TEP1: variants seen among roughly 807,000 people sequenced by gnomAD.
TEP1 encodes telomerase associated protein 1.
TEP1 carries 241 observed loss-of-function variants against 306.3 expected under a neutral mutation model. The ratio of observed to expected loss-of-function variants is 0.79; its 90% CI spans 0.71 to 0.88. The LOEUF (loss-of-function observed/expected upper bound fraction) is 0.88. Ranked by LOEUF, TEP1 falls within the 40% of genes least tolerant of loss-of-function variation. The probability of loss-of-function intolerance (pLI) is 0.00; values close to 1 mark genes in which losing one functional copy is unlikely to be tolerated. For missense variants in TEP1, 3,051 were observed against 3,276.1 expected, an observed-to-expected ratio of 0.93 and a Z score of 1.68; for synonymous variants, 1,289 against 1,305.5, an observed-to-expected ratio of 0.99 and a Z score of 0.27.
rs1046295874 is a variant in TEP1 at position 20,412,245 on chromosome 14, G to T, written c.-25+1160C>A. On this transcript the variant is annotated intron_variant, in intron 1 of 54. Transcript: ENST00000262715. ...TATATAAGCCCCCAAGGAAAGGAGT[G>T]GGGAAACTCAGAATTGACTCAGATT... 3.9e-5 allele frequency among the ~76,000 whole-genome samples: 6 copies of T among 152,084 alleles called. No homozygotes were observed. In the South Asian group the frequency reaches 1.2e-3, roughly 32 times the overall value.
rs911559892 is a variant in TEP1, at chr14:20,385,092, T to C, written c.3000A>G (p.Ser1000=). ...CCTCCATCTCTGTCACAGAGCGCCC[T>C]GAAGGGTACTGCTGGGCCTGCGGGG... is the stretch of plus-strand genomic sequence containing the variant. ...PHFHWAQQYP[S]GRSVTEMEVM... is the part of the protein sequence containing the mutation. Residue 1000 remains serine (S), a synonymous_variant, in exon 21 of 55, where the codon TCA becomes TCG. Transcript: ENST00000262715. The C allele has an allele frequency of 3.7e-6, 6 of 1,613,996 alleles. No homozygotes were observed. Among genetic ancestry groups the C allele is most frequent in the Admixed American group, 1.7e-5 (1 of 60,010 alleles).
chr14:20,373,862 A>G, intron 44 of TEP1, 52 bp from the exon 45 acceptor site: 2 of 1,585,986 alleles, frequency 1.3e-6, no homozygotes, highest in Non-Finnish European at 1.7e-6. Context: ...AGGACATGGG[A>G]AACAGAACTT....
chr14:20,384,579 T>A (rs1038830198), intron 22 of TEP1, 21 bp downstream of exon 22: 25 of 1,613,490 alleles, frequency 1.5e-5, no homozygotes, highest in Non-Finnish European at 2.1e-5. Context: ...GTACAGGTGC[T>A]CCCTACCTCC....
rs377660135 is a variant in TEP1, at chr14:20,384,711, G to A, written c.3110C>T (p.Ser1037Phe). The change falls in exon 22 of 55, where the codon TCT becomes TTT. Residue 1037 changes from serine to phenylalanine, a missense_variant and splice_region_variant. Physicochemically the swap from Ser to Phe is radical, Grantham distance 155 (BLOSUM62 -2). Coordinates refer to ENST00000262715, the MANE Select transcript of TEP1 (RefSeq NM_007110.5). ...GTCAGATTTCCAGGCATCTGGCACAGAGCTGACCACCAAAGACCCCAAAAG... is the reference window on the plus strand; with the variant it reads ...GTCAGATTTCCAGGCATCTGGCACAAAGCTGACCACCAAAGACCCCAAAAG... The part of the protein sequence containing the change: ...IYFRDSSFLS[S>F]VPDAWKSDFV... The A allele has an allele frequency of 6.2e-7, 1 of 1,609,846 alleles. No homozygotes were observed. Among genetic ancestry groups the A allele is most frequent in the Non-Finnish European group, 8.5e-7 (1 of 1,179,922 alleles).
At position 20,403,406 on chromosome 14, in the gene TEP1, T is replaced by A. The variant is rs148838117; in HGVS notation, c.1237A>T (p.Ile413Leu). The change falls in exon 7 of 55, where the codon ATA becomes TTA. Residue 413 changes from isoleucine (I) to leucine (L), a missense_variant. This residue lies in a region of TEP1 where 1,507 missense variants were observed against 1,550.5 expected (regional missense o/e 0.97). Transcript: ENST00000262715. ...PFSHRCFPRY[I>L]GFLREEQRKF... ...CTCTGCTCTTCTCTGAGAAACCCTA[T>A]GTACCTTGGAAAACATCTGTGAGAA... The A allele has an allele frequency of 6.2e-7, 1 of 1,614,052 alleles. No individual in the cohort carries two copies. Among genetic ancestry groups the A allele is most frequent in the African/African-American group, 1.3e-5 (1 of 74,908 alleles).
chr14:20,403,765 C>A lies in TEP1; in HGVS notation c.1152G>T (p.Lys384Asn). 6.2e-7 allele frequency: 1 copy of A among 1,614,088 alleles called. No homozygotes were observed. The highest frequency in any genetic ancestry group is 8.5e-7 in the Non-Finnish European group (1 of 1,180,032). Residue 384 changes from lysine (K) to asparagine (N), a missense_variant, in exon 6 of 55, where the codon AAG (lysine) becomes AAT (asparagine). Transcript: ENST00000262715. ...EYQLAKYNPR[K>N]HRAKRHPRRP... is the part of the protein sequence containing the mutation. ...GGCGGGGGTGTCTCTTGGCCCGGTG[C>A]TTCCGAGGGTTGTACTTAGCCAGCT... is the stretch of plus-strand genomic sequence containing the variant.
rs1263912955 is a variant in TEP1 at position 20,391,710 on chromosome 14, A to G, written c.1986T>C (p.Ala662=). 1 of 1,614,238 alleles carries G rather than the reference A, an allele frequency of 6.2e-7. No individual in the cohort carries two copies. The highest frequency in any genetic ancestry group is 1.1e-5 in the South Asian group (1 of 91,086). ...GGCTGTGCTTCACAGAGAGGTTCACAGCTGTCTCTAGGGCCTGTCGGTACC... is the reference window on the plus strand; with the variant it reads ...GGCTGTGCTTCACAGAGAGGTTCACGGCTGTCTCTAGGGCCTGTCGGTACC... ...LNRYRQALET[A]VNLSVKHSLP... Residue 662 remains alanine (A), a synonymous_variant, in exon 13 of 55, where the codon GCT becomes GCC. Transcript: ENST00000262715.
Position 20,380,297 on chromosome 14 carries a change from T to A in TEP1, c.4941A>T (p.Arg1647Ser). 6.2e-7 allele frequency: 1 copy of A among 1,614,124 alleles called. No individual in the cohort carries two copies. Among genetic ancestry groups the A allele is most frequent in the South Asian group, 1.1e-5 (1 of 91,084 alleles). Residue 1647 changes from arginine to serine, a missense_variant, in exon 34 of 55, where the codon AGA (arginine) becomes AGT (serine). Physicochemically the swap from Arg to Ser is moderately radical, Grantham distance 110 (BLOSUM62 -1). This residue lies in a region of TEP1 where 1,540 missense variants were observed against 1,705.9 expected (regional missense o/e 0.90). Transcript: ENST00000262715. ...ATCGTAGTGTGTGTTGGAGGTGCCA[T>A]CTCCGGGAGAGCAGCGAGGCTTGGT... ...LCHQASLLSR[R>S]WHLQHTLRWL...
intron 9 of TEP1, among the ~76,000 whole-genome samples, chr14:20,400,442 A>C (rs1878584493): frequency 6.6e-6 from 1 of 150,404 alleles, no homozygotes; most frequent in South Asian, 2.1e-4. Context: ...AAGAAAAGTA[A>C]TAATTTTATA....
chr14:20,391,717 T>G lies in TEP1; in HGVS notation c.1979A>C (p.Glu660Ala), dbSNP rs1476071772. The change falls in exon 13 of 55, where the codon GAG becomes GCG. Residue 660 changes from glutamate (E) to alanine (A), a missense_variant. Glu to Ala is a moderately radical substitution (Grantham distance 107, BLOSUM62 -1). Transcript: ENST00000262715. ...EMLNRYRQAL[E>A]TAVNLSVKHS... ...CTTCACAGAGAGGTTCACAGCTGTC[T>G]CTAGGGCCTGTCGGTACCTGTTCAG... The G allele has an allele frequency of 1.5e-5, 24 of 1,614,078 alleles. No individual in the cohort carries two copies. Among genetic ancestry groups the G allele is most frequent in the Middle Eastern group, 1.6e-4 (1 of 6,082 alleles).
chr14:20,386,631 T>G lies in TEP1; in HGVS notation c.2685-8A>C. On this transcript the variant is annotated splice_polypyrimidine_tract_variant and splice_region_variant and intron_variant, in intron 18 of 54. Coordinates refer to ENST00000262715, the MANE Select transcript of TEP1 (RefSeq NM_007110.5). ...AGCCGGATGCTGCGCCATCTGGGGA[T>G]AAGCAGAGAGCTGGGCTCAGTCTAG... is the stretch of plus-strand genomic sequence containing the variant. 6.3e-7 allele frequency: 1 copy of G among 1,587,006 alleles called. No homozygotes were observed. Among genetic ancestry groups the G allele is most frequent in the South Asian group, 1.1e-5 (1 of 87,532 alleles).
chr14:20,378,934 A>C (rs779673398), intron 36 of TEP1, 47 bp downstream of exon 36: 2 of 1,613,856 alleles, frequency 1.2e-6, no homozygotes, highest in Admixed American at 1.7e-5. Context: ...GGCTTCCAAA[A>C]AATGGGGAAG....
In TEP1 at chr14:20,368,840, C is replaced by T. The variant is rs755124344; in HGVS notation, c.7719G>A (p.Lys2573=). 1.9e-6 allele frequency: 3 copies of T among 1,613,648 alleles called. No homozygotes were observed. The highest frequency in any genetic ancestry group is 2.7e-5 in the African/African-American group (2 of 74,768). ...TCTCCCATAGCTTAACATCTCTGTCCTTCGAAGCTGTCACCAGCAACTCAG... is the reference window on the plus strand; with the variant it reads ...TCTCCCATAGCTTAACATCTCTGTCTTTCGAAGCTGTCACCAGCAACTCAG... ...VLPELLVTAS[K]DRDVKLWERP... is the part of the protein sequence containing the mutation. Residue 2573 remains lysine, a synonymous_variant, in exon 54 of 55, where the codon AAG becomes AAA. Coordinates refer to ENST00000262715, the MANE Select transcript of TEP1 (RefSeq NM_007110.5).
In TEP1 at chr14:20,383,815, G is replaced by C. The variant is rs765136330; in HGVS notation, c.3638C>G (p.Thr1213Ser). ...GARPDQGLAL[T>S]LLRRLCTYLR... The stretch of plus-strand genomic sequence containing the variant: ...ATAGGTACAGAGGCGTCTGAGCAGA[G>C]TGAGGGCAAGACCCTGGTCAGGACG... Residue 1213 changes from threonine to serine, a missense_variant, in exon 25 of 55, where the codon ACT (threonine) becomes AGT (serine). By Grantham distance (58) the Thr-to-Ser change is moderately conservative (BLOSUM62 1). Coordinates refer to ENST00000262715, the MANE Select transcript of TEP1 (RefSeq NM_007110.5). 8 of 1,609,332 alleles carry C rather than the reference G, an allele frequency of 5.0e-6. No individual in the cohort carries two copies. Among genetic ancestry groups the C allele is most frequent in the Non-Finnish European group, 6.8e-6 (8 of 1,179,344 alleles).
chr14:20,405,575 A>G lies in TEP1; in HGVS notation c.746T>C (p.Leu249Pro), dbSNP rs1879114619. Residue 249 changes from leucine (L) to proline (P), a missense_variant, in exon 4 of 55, where the codon CTG becomes CCG. Leu to Pro is a moderately conservative substitution (Grantham distance 98, BLOSUM62 -3). Coordinates refer to ENST00000262715, the MANE Select transcript of TEP1 (RefSeq NM_007110.5). Reference protein sequence around the residue: ...HVLQEKKMALLSLLCSTLVSE... With the variant: ...HVLQEKKMALPSLLCSTLVSE... Reference sequence around the variant, plus strand: ...GACCAGAGTAGAGCACAGCAAGCTCAGTAGAGCCATCTGGGAATTGAGAAA... The same window carrying G: ...GACCAGAGTAGAGCACAGCAAGCTCGGTAGAGCCATCTGGGAATTGAGAAA... 1 of 1,613,704 alleles carries G rather than the reference A, an allele frequency of 6.2e-7. No homozygotes were observed.
rs1405521209 is a variant in TEP1, at chr14:20,373,769, T to C, written c.6513A>G (p.Lys2171=). 1 of 1,613,998 alleles carries C rather than the reference T, an allele frequency of 6.2e-7. No individual in the cohort carries two copies. The highest frequency in any genetic ancestry group is 8.5e-7 in the Non-Finnish European group (1 of 1,180,034). ...VVSVSRDGTL[K]VWDHQGVELT... ...GCTCCACGCCTTGATGGTCCCACAC[T>C]TTCAAGGTCCCATCCCGGCTCACAG... Residue 2171 remains lysine, a synonymous_variant, in exon 45 of 55, where the codon AAA becomes AAG. Transcript: ENST00000262715.
chr14:20,405,508 A>G lies in TEP1; in HGVS notation c.813T>C (p.Ala271=), dbSNP rs1009758753. Residue 271 remains alanine, a synonymous_variant, in exon 4 of 55, where the codon GCT becomes GCC. Transcript: ENST00000262715. ...NMNNTSDPTL[A]AIFEICRELA... ...GTTCACGACAGATTTCAAAAATGGCAGCCAGGGTGGGGTCAGATGTATTGT... is the reference window on the plus strand; with the variant it reads ...GTTCACGACAGATTTCAAAAATGGCGGCCAGGGTGGGGTCAGATGTATTGT... 14 of 1,614,236 alleles carry G rather than the reference A, an allele frequency of 8.7e-6. 1 individual carries two copies. Among genetic ancestry groups the G allele is most frequent in the Admixed American group, 1.7e-5 (1 of 60,022 alleles).
intron 10 of TEP1, 65 bp downstream of exon 10, chr14:20,396,556 G>T: frequency 5.0e-6 from 7 of 1,396,768 alleles, no homozygotes; most frequent in Non-Finnish European, 7.0e-6. Flanking sequence ...CTCTAAAGCA[G>T]CAGTGGCCTC....
chr14:20,408,289 A>C lies in TEP1; in HGVS notation c.151T>G (p.Cys51Gly), dbSNP rs753298033. Residue 51 changes from cysteine (C) to glycine (G), a missense_variant, in exon 2 of 55, where the codon TGC (cysteine) becomes GGC (glycine). Physicochemically the swap from Cys to Gly is radical, Grantham distance 159. Transcript: ENST00000262715. Reference protein sequence around the residue: ...HSDILSLKNQCLATLPDLKTM... With the variant: ...HSDILSLKNQGLATLPDLKTM... ...TTCAGGTCAGGAAGCGTGGCTAGGC[A>C]CTGGTTCTTCAAGGAGAGGATATCT... The C allele has an allele frequency of 4.3e-6, 7 of 1,613,916 alleles. No homozygotes were observed. The highest frequency in any genetic ancestry group is 1.1e-5 in the South Asian group (1 of 91,078).
Sources: allele counts gnomAD v4.1 joint callset (sites outside exome capture counted in the v4.1 genomes callset), GRCh38; gene constraint gnomAD v4.1.1; regional missense constraint gnomAD v4.1.1; transcripts MANE v1.5; gene names NCBI Gene and HGNC (gene_info 2026-07-23, HGNC 2026-07-21).